Variants in MYO1F observed in about 807,000 individuals in gnomAD.
MYO1F encodes unconventional myosin-If.
A neutral mutation model predicts 146.6 loss-of-function variants in MYO1F; 60 were observed. The observed-to-expected ratio is 0.41, with a 90% confidence interval of 0.33 to 0.51. The LOEUF is 0.51. Ranked by LOEUF, MYO1F falls within the 20% of genes least tolerant of loss-of-function variation. The pLI is 0.25. For synonymous variants in MYO1F, 602 were observed against 602.1 expected (o/e 1.00, Z 0.00); for missense variants, 1,274 against 1,534.3 (o/e 0.83, Z 2.83).
At chr19:8,554,281 A>T (rs544532659) in intron 4 of MYO1F, among the ~76,000 whole-genome samples, 196 bp downstream of exon 4, 11 of 152,250 alleles carry the variant, frequency 7.2e-5, no homozygotes, top group Non-Finnish European at 1.6e-4. Flanking sequence ...GAGGGGACAG[A>T]CAGACAATAG....
At chr19:8,536,183 C>A (rs1418581643) in intron 19 of MYO1F, 69 bp downstream of exon 19, 3 of 1,563,524 alleles carry the variant, frequency 1.9e-6, no homozygotes, top group Non-Finnish European at 2.6e-6. Context: ...CTCTCTCTCT[C>A]TCAGTCCCTC....
At chr19:8,547,991 A>AAC in intron 12 of MYO1F, 45 bp downstream of exon 12, 3 of 435,398 alleles carry the variant, frequency 6.9e-6, no homozygotes, top group Admixed American at 5.9e-5. Context: ...CTTCCACCCC[A>AAC]CCCCCACCCC....
Position 8,525,487 on chromosome 19 carries a change from G to C in MYO1F, c.2846C>G (p.Pro949Arg), listed in dbSNP as rs770047632. 1.2e-6 allele frequency: 2 copies of C among 1,613,278 alleles called. No homozygotes were observed. Among genetic ancestry groups the C allele is most frequent in the Non-Finnish European group, 8.5e-7 (1 of 1,179,844 alleles). ...SQAPTRAAPA[P>R]PRGMDRNGVP... ...GGGACGCAGCTCCTCACCTCTGGGG[G>C]GCGCAGGGGCCGCCCGGGTAGGGGC... is the stretch of plus-strand genomic sequence containing the variant. The change falls in exon 25 of 28, where the codon CCC becomes CGC. Residue 949 changes from proline (P) to arginine (R), a missense_variant. Pro to Arg is a moderately radical substitution (Grantham distance 103). This residue lies in a region of MYO1F where 374 missense variants were observed against 379.2 expected (regional missense o/e 0.99). Transcript: ENST00000644032.
chr19:8,561,909 G>T (rs1974150982), intron 1 of MYO1F, among the ~76,000 whole-genome samples: 1 of 151,740 alleles, frequency 6.6e-6, no homozygotes, highest in African/African-American at 2.4e-5. Flanking sequence ...TAGAGATAAG[G>T]TTTCACCATA....
intron 8 of MYO1F, among the ~76,000 whole-genome samples, chr19:8,551,061 ATT>A (rs374569323): frequency 8.7e-5 from 11 of 126,222 alleles, no homozygotes; most frequent in African/African-American, 1.7e-4. Flanking sequence ...TTGGTTTCCT[ATT>A]TTTTTTTTTT....
chr19:8,552,997 T>A, intron 6 of MYO1F, 142 bp downstream of exon 6: 2 of 805,382 alleles, frequency 2.5e-6, no homozygotes, highest in South Asian at 1.4e-5. Context: ...GAAGTGAGTC[T>A]CCCCTTCAGG....
intron 22 of MYO1F, 111 bp downstream of exon 22, chr19:8,527,227 A>T: frequency 6.9e-7 from 1 of 1,447,724 alleles, no homozygotes; most frequent in Non-Finnish European, 9.5e-7. Flanking sequence ...ACAGAGGGCT[A>T]CAGGCATGGC....
In MYO1F at chr19:8,554,541, C is replaced by T. The variant is rs775459301; in HGVS notation, c.262G>A (p.Ala88Thr). Residue 88 changes from alanine (A) to threonine (T), a missense_variant, in exon 4 of 28, where the codon GCC becomes ACC. Around this residue, in one of 2 missense-constraint regions of MYO1F, gnomAD observed 900 missense variants for 1,155.1 expected, o/e 0.78. Coordinates refer to ENST00000644032, the MANE Select transcript of MYO1F (RefSeq NM_012335.4). Reference protein sequence around the residue: ...AQYENPPHIYALTDNMYRNML... With the variant: ...AQYENPPHIYTLTDNMYRNML... ...TTCCGGTACATGTTGTCCGTGAGGG[C>T]GTAGATGTGCGGGGGATTCTCATAC... 17 of 1,613,440 alleles carry T rather than the reference C, an allele frequency of 1.1e-5. No individual in the cohort carries two copies. The highest frequency in any genetic ancestry group is 9.4e-5 in the African/African-American group (7 of 74,830).
At chr19:8,532,806 T>G (rs1972535190) in intron 19 of MYO1F, among the ~76,000 whole-genome samples, 2 of 151,734 alleles carry the variant, frequency 1.3e-5, no homozygotes, top group Admixed American at 6.6e-5. Context: ...GAGGATTCTT[T>G]GAGCCCAGGA....
chr19:8,555,440 T>G, intron 2 of MYO1F: 11 of 378,108 alleles, frequency 2.9e-5, no homozygotes, highest in Non-Finnish European at 4.6e-5. Context: ...ATGGGGGAAA[T>G]GGAACACGCT....
intron 15 of MYO1F, 64 bp from the exon 16 acceptor site, chr19:8,540,092 A>AG: frequency 7.3e-7 from 1 of 1,373,498 alleles, no homozygotes; most frequent in Non-Finnish European, 1.0e-6. Flanking sequence ...CTCTTCCTCC[A>AG]GGGGTGGGGC....
In MYO1F at chr19:8,526,446, G is replaced by A; in HGVS notation, c.2770+7C>T. 6.4e-7 allele frequency: 1 copy of A among 1,553,774 alleles called. No homozygotes were observed. ...GCCCCCTCTGCCCTAGTTCCGCGCA[G>A]ACTCACTGGAGCTCTTGGGCAGCCC... On this transcript the variant is annotated splice_region_variant and intron_variant, in intron 24 of 27. Coordinates refer to ENST00000644032, the MANE Select transcript of MYO1F (RefSeq NM_012335.4).
At chr19:8,548,396 G>A (rs146471743) in intron 10 of MYO1F, 79 bp from the exon 11 acceptor site, 12 of 1,356,532 alleles carry the variant, frequency 8.8e-6, no homozygotes, top group South Asian at 2.4e-5. Flanking sequence ...TTAGACACAC[G>A]CCTAGCCAAC....
At chr19:8,527,281 A>AGG in intron 22 of MYO1F, 57 bp downstream of exon 22, 1 of 1,610,742 alleles carries the variant, frequency 6.2e-7, no homozygotes, top group Non-Finnish European at 8.5e-7. Context: ...CACTAGAATG[A>AGG]GGGCAGCCAG....
chr19:8,567,175 C>A (rs1390367338), intron 1 of MYO1F, among the ~76,000 whole-genome samples: 1 of 150,136 alleles, frequency 6.7e-6, no homozygotes, highest in Non-Finnish European at 1.5e-5. Context: ...AATTCCAATT[C>A]TCTGCCTCAT....
At chr19:8,554,400 C>A (rs962526106) in intron 4 of MYO1F, 77 bp downstream of exon 4, 1 of 1,280,294 alleles carries the variant, frequency 7.8e-7, no homozygotes. Flanking sequence ...GAGTTTCAGG[C>A]AAACCTCCCT....
At chr19:8,574,592 TCTC>T (rs1568381161) in intron 1 of MYO1F, among the ~76,000 whole-genome samples, 1 of 87,014 alleles carries the variant, frequency 1.1e-5, no homozygotes, top group African/African-American at 5.3e-5. Flanking sequence ...TCTCTCTCTC[TCTC>T]TCTTTCTTTC....
At chr19:8,552,197 T>G (rs748962074) in intron 6 of MYO1F, 33 bp from the exon 7 acceptor site, 1 of 1,611,710 alleles carries the variant, frequency 6.2e-7, no homozygotes, top group Admixed American at 1.7e-5. Flanking sequence ...AGCACCCCAG[T>G]GTCCTGGGGT....
intron 12 of MYO1F, among the ~76,000 whole-genome samples, chr19:8,547,300 CAAAAAA>C (rs1196814670): frequency 2.5e-3 from 112 of 44,994 alleles, no homozygotes; most frequent in African/African-American, 9.4e-3. Context: ...GTTCCTGTCT[CAAAAAA>C]AAAAAAAAAA....
Sources: allele counts gnomAD v4.1 joint callset (sites outside exome capture counted in the v4.1 genomes callset), GRCh38; gene constraint gnomAD v4.1.1; regional missense constraint gnomAD v4.1.1; transcripts MANE v1.5; gene names NCBI Gene and HGNC (gene_info 2026-07-23, HGNC 2026-07-21).